The following ALG14 variants were observed in gnomAD, a reference collection of about 807,000 sequenced individuals.
The protein encoded by ALG14 is UDP-N-acetylglucosamine transferase subunit ALG14.
Under a neutral mutation model 22.8 loss-of-function variants are expected in ALG14, and 17 were observed. The observed-to-expected ratio is 0.75, with a 90% confidence interval of 0.51 to 1.12. ALG14 has a LOEUF of 1.12. Among genes scored for constraint, ALG14 ranks in the 50% most tolerant of loss-of-function variants. The pLI is 0.00. For synonymous variants in ALG14, 89 were observed against 103.7 expected, an observed-to-expected ratio of 0.86 and a Z score of 0.86; for missense variants, 288 against 271.8, an observed-to-expected ratio of 1.06 and a Z score of -0.42.
chr1:95,022,168 T>C (rs1673682731), intron 3 of ALG14: 1 of 255,390 alleles, frequency 3.9e-6, no homozygotes, highest in Non-Finnish European at 6.1e-6. Flanking sequence ...TCCCCCAAAA[T>C]GGAGACGAAT....
At chr1:95,030,963 G>GT (rs984955273) in intron 2 of ALG14, among the ~76,000 whole-genome samples, 21 of 152,276 alleles carry the variant, frequency 1.4e-4, no homozygotes, top group African/African-American at 4.8e-4. Flanking sequence ...AGTAACTAAA[G>GT]TTTGATGACC....
At chr1:95,065,982 T>C (rs1675346594) in intron 1 of ALG14, among the ~76,000 whole-genome samples, 1 of 152,148 alleles carries the variant, frequency 6.6e-6, no homozygotes, top group Non-Finnish European at 1.5e-5. Flanking sequence ...CAAGGAGCCC[T>C]ATCACACCCA....
Position 95,072,913 on chromosome 1 carries a change from C to A in ALG14, c.-15G>T, listed in dbSNP as rs545922834. The A allele has an allele frequency of 6.2e-7, 1 of 1,613,510 alleles. No homozygotes were observed. The highest frequency in any genetic ancestry group is 1.7e-5 in the Admixed American group (1 of 59,996). ...ACGCACACCATGCAGAGAAACGGCG[C>A]ATGCGTCCAACTTCCGGGGACCAGC... is the stretch of plus-strand genomic sequence containing the variant. On this transcript the variant is annotated 5_prime_UTR_variant, in exon 1 of 4. An upstream start codon of the reference 5' UTR is lost. Transcript: ENST00000370205.
At position 95,053,818 on chromosome 1, in the gene ALG14, T is replaced by C. The variant is rs545477246; in HGVS notation, c.288+11048A>G. ...AACAATGCAGTAAACATTATGGACA[T>C]ACACAGAACTCTGCAACAAACAATG... On this transcript the variant is annotated intron_variant, in intron 2 of 3. Transcript: ENST00000370205. Among the ~76,000 whole-genome samples the C allele has an allele frequency of 3.0e-4, 46 of 152,308 alleles. 2 individuals are homozygous for C. The South Asian group carries it at 3.3e-3, about 11-fold the overall frequency.
At chr1:95,001,522 G>A (rs935132218) in intron 3 of ALG14, among the ~76,000 whole-genome samples, 2 of 152,108 alleles carry the variant, frequency 1.3e-5, no homozygotes, top group African/African-American at 2.4e-5. Context: ...TAAAGACAGA[G>A]TCTCACTCTG....
At chr1:94,989,465 GCCT>G (rs1672720968) in intron 3 of ALG14, among the ~76,000 whole-genome samples, 1 of 152,146 alleles carries the variant, frequency 6.6e-6, no homozygotes, top group Non-Finnish European at 1.5e-5. Flanking sequence ...TCCTTTCTAG[GCCT>G]CCTTACAGCT....
rs148202016 is a variant in ALG14, at chr1:94,983,175, G to A, written c.552C>T (p.Ser184=). ...CTGAGAGATGAAACAGAATCTTTCCGGACATGGATAACGTTTCTACACGGC... is the reference window on the plus strand; with the variant it reads ...CTGAGAGATGAAACAGAATCTTTCCAGACATGGATAACGTTTCTACACGGC... ...SICRVETLSM[S]GKILFHLSDY... is the part of the protein sequence containing the mutation. The change falls in exon 4 of 4, where the codon TCC becomes TCT. Residue 184 remains serine, a synonymous_variant. Coordinates refer to ENST00000370205, the MANE Select transcript of ALG14 (RefSeq NM_144988.4). 218 of 1,614,084 alleles carry A rather than the reference G, an allele frequency of 1.4e-4. No individual in the cohort carries two copies. The African/African-American group carries it at 2.2e-3, about 16-fold the overall frequency.
intron 3 of ALG14, among the ~76,000 whole-genome samples, chr1:95,000,097 A>C (rs1673018151): frequency 6.6e-6 from 1 of 152,234 alleles, no homozygotes; most frequent in East Asian, 1.9e-4. Flanking sequence ...TCCTGGATTA[A>C]AAGTTCCTTC....
At chr1:95,022,204 G>A (rs762408762) in intron 3 of ALG14, 252 of 530,728 alleles carry the variant, frequency 4.7e-4, no homozygotes, top group African/African-American at 5.4e-4. Flanking sequence ...CAATCTAACT[G>A]CTAATATGCA....
intron 2 of ALG14, among the ~76,000 whole-genome samples, chr1:95,039,239 A>G (rs1674306105): frequency 6.6e-6 from 1 of 152,224 alleles, no homozygotes; most frequent in African/African-American, 2.4e-5. Context: ...ATAGGGAACA[A>G]CAGAAAATGG....
chr1:95,011,577 C>G (rs1056515183), intron 3 of ALG14, among the ~76,000 whole-genome samples: 2 of 152,090 alleles, frequency 1.3e-5, no homozygotes, highest in African/African-American at 4.8e-5. Flanking sequence ...AGGCGCCCGC[C>G]ACAGCACCTG....
At chr1:95,012,042 A>C (rs1244790529) in intron 3 of ALG14, among the ~76,000 whole-genome samples, 1 of 152,126 alleles carries the variant, frequency 6.6e-6, no homozygotes, top group Non-Finnish European at 1.5e-5. Context: ...AAGTCTCACA[A>C]GATCTGATGA....
At chr1:95,066,166 C>T (rs1273396581) in intron 1 of ALG14, among the ~76,000 whole-genome samples, 3 of 152,098 alleles carry the variant, frequency 2.0e-5, no homozygotes, top group Non-Finnish European at 2.9e-5. Context: ...TATAGTGATA[C>T]AAGAACACAA....
chr1:94,991,512 T>C (rs531935538), intron 3 of ALG14, among the ~76,000 whole-genome samples: 6 of 152,258 alleles, frequency 3.9e-5, no homozygotes, highest in African/African-American at 1.4e-4. Context: ...AGAGTAAAAA[T>C]ACTGTATGAA....
chr1:95,037,666 T>C (rs1316208151), intron 2 of ALG14, among the ~76,000 whole-genome samples: 2 of 152,240 alleles, frequency 1.3e-5, no homozygotes, highest in Admixed American at 1.3e-4. Flanking sequence ...TTCCCTTTAT[T>C]GTTCAAGCCA....
intron 2 of ALG14, among the ~76,000 whole-genome samples, chr1:95,049,369 C>T (rs1024766976): frequency 6.6e-6 from 1 of 152,010 alleles, no homozygotes; most frequent in Non-Finnish European, 1.5e-5. Context: ...CCCGTCTCTA[C>T]CAAAAATACA....
At chr1:95,053,703 G>A (rs964842573) in intron 2 of ALG14, among the ~76,000 whole-genome samples, 1 of 152,062 alleles carries the variant, frequency 6.6e-6, no homozygotes, top group Non-Finnish European at 1.5e-5. Flanking sequence ...TAGGATTATA[G>A]GTATGAGCCA....
At chr1:95,002,576 T>C (rs1310485025) in intron 3 of ALG14, among the ~76,000 whole-genome samples, 1 of 152,228 alleles carries the variant, frequency 6.6e-6, no homozygotes, top group Admixed American at 6.5e-5. Context: ...TTCCATTTCA[T>C]GTCAAAATGA....
chr1:95,047,748 G>A (rs1039551511), intron 2 of ALG14, among the ~76,000 whole-genome samples: 5 of 152,168 alleles, frequency 3.3e-5, no homozygotes, highest in Non-Finnish European at 7.3e-5. Flanking sequence ...GGGAAGCTCA[G>A]GTAGGAGAAT....
Sources: allele counts gnomAD v4.1 joint callset (sites outside exome capture counted in the v4.1 genomes callset), GRCh38; gene constraint gnomAD v4.1.1; transcripts MANE v1.5; gene names NCBI Gene and HGNC (gene_info 2026-07-23, HGNC 2026-07-21).